Variants in FOXN3 observed in about 807,000 individuals in gnomAD.
FOXN3 encodes forkhead box N3.
FOXN3 carries 7 observed loss-of-function variants against 38.4 expected under a neutral mutation model. The ratio of observed to expected loss-of-function variants is 0.18; its 90% CI spans 0.10 to 0.34. The LOEUF (loss-of-function observed/expected upper bound fraction) is 0.34. FOXN3 is among the 10% of genes least tolerant of loss of function. FOXN3 has a pLI of 1.00. For synonymous variants in FOXN3, 230 were observed against 242.2 expected (o/e 0.95, Z 0.47); for missense variants, 456 against 613.4 (o/e 0.74, Z 2.71).
chr14:89,249,707 A>G (rs1482673822), intron 4 of FOXN3, among the ~76,000 whole-genome samples: 1 of 152,198 alleles, frequency 6.6e-6, no homozygotes, highest in Non-Finnish European at 1.5e-5. Flanking sequence ...CACAAATCCA[A>G]CGATGGGACA....
At chr14:89,268,718 G>T (rs1288184385) in intron 4 of FOXN3, among the ~76,000 whole-genome samples, 1 of 152,148 alleles carries the variant, frequency 6.6e-6, no homozygotes, top group African/African-American at 2.4e-5. Flanking sequence ...TTCTGGCCTG[G>T]ACTGGGCCAC....
chr14:89,320,946 G>A (rs4904546), intron 3 of FOXN3, among the ~76,000 whole-genome samples: 64,677 of 152,024 alleles, frequency 0.43, 14,612 homozygotes, highest in Non-Finnish European at 0.51. Flanking sequence ...GTTTATATGC[G>A]GGGAGTTGGG....
rs190633338 is a variant in FOXN3, at chr14:89,202,426, A to G, written c.746-21620T>C. Among the ~76,000 whole-genome samples, 52 of 152,334 alleles carry G rather than the reference A, an allele frequency of 3.4e-4. No individual in the cohort carries two copies. The East Asian group carries it at 9.1e-3, about 27-fold the overall frequency. Reference sequence around the variant, plus strand: ...TCTGCTGAGGCAATCTCTTTGTTACAAAAGGTTTTGCCTTTTGATTTCCTT... The same window carrying G: ...TCTGCTGAGGCAATCTCTTTGTTACGAAAGGTTTTGCCTTTTGATTTCCTT... On this transcript the variant is annotated intron_variant, in intron 4 of 5. Transcript: ENST00000557258.
intron 3 of FOXN3, among the ~76,000 whole-genome samples, chr14:89,287,170 T>C (rs181097227): frequency 1.3e-5 from 2 of 150,786 alleles, no homozygotes; most frequent in East Asian, 1.9e-4. Flanking sequence ...GTTTTTGTTT[T>C]TGAGACAGAG....
chr14:89,442,889 A>G lies in FOXN3; in HGVS notation c.-14-30399T>C, dbSNP rs188633498. Among the ~76,000 whole-genome samples the G allele has an allele frequency of 1.2e-3, 185 of 152,336 alleles. 3 individuals are homozygous for G. Among genetic ancestry groups the G allele is most frequent in the African/African-American group, 4.2e-3 (175 of 41,560 alleles). ...GAATGGTCTTAGGTGCTTTCACACT[A>G]CAGTGCCAGAATACTACAGTTGCAA... On this transcript the variant is annotated intron_variant, in intron 1 of 6. Coordinates refer to the FOXN3 transcript ENST00000345097.
intron 2 of FOXN3, among the ~76,000 whole-genome samples, chr14:89,393,056 C>T (rs1356168453): frequency 6.6e-6 from 1 of 152,076 alleles, no homozygotes; most frequent in Non-Finnish European, 1.5e-5. Flanking sequence ...CCGCCCACTT[C>T]GGCCTCCCAC....
At chr14:89,262,168 AAG>A (rs1193430959) in intron 4 of FOXN3, among the ~76,000 whole-genome samples, 1 of 152,144 alleles carries the variant, frequency 6.6e-6, no homozygotes, top group Non-Finnish European at 1.5e-5. Context: ...ATGGCTGGAA[AAG>A]AGAGCTGGAC....
chr14:89,493,401 T>C (rs917262701), intron 1 of FOXN3, among the ~76,000 whole-genome samples: 5 of 152,210 alleles, frequency 3.3e-5, no homozygotes, highest in Admixed American at 2.6e-4. Flanking sequence ...AATACTCATT[T>C]GAACACTCCT....
intron 3 of FOXN3, among the ~76,000 whole-genome samples, chr14:89,310,304 C>A (rs1001149818): frequency 6.6e-6 from 1 of 152,164 alleles, no homozygotes; most frequent in Admixed American, 6.5e-5. Flanking sequence ...ATCCTGCCTC[C>A]ACGAGGCGAC....
At chr14:89,172,792 T>C (rs1169358293) in intron 5 of FOXN3, among the ~76,000 whole-genome samples, 1 of 152,210 alleles carries the variant, frequency 6.6e-6, no homozygotes, top group Non-Finnish European at 1.5e-5. Flanking sequence ...GAGATAACTG[T>C]TTATTATTTG....
chr14:89,229,169 G>A (rs376861808), intron 4 of FOXN3, among the ~76,000 whole-genome samples: 8 of 152,252 alleles, frequency 5.3e-5, no homozygotes, highest in African/African-American at 1.4e-4. Context: ...CTCGTGTCTA[G>A]GGAAAAAGAG....
chr14:89,470,702 A>G (rs1406528520), intron 1 of FOXN3, among the ~76,000 whole-genome samples: 66 of 152,198 alleles, frequency 4.3e-4, no homozygotes, highest in Admixed American at 4.3e-3. Context: ...AAACATAACT[A>G]AGGCCCCCAT....
chr14:89,281,638 A>T (rs1343123816), intron 3 of FOXN3, among the ~76,000 whole-genome samples: 1 of 152,218 alleles, frequency 6.6e-6, no homozygotes, highest in Admixed American at 6.5e-5. Flanking sequence ...GCAAGAAAAT[A>T]GGAGAGATCA....
intron 5 of FOXN3, 38 bp downstream of exon 5, chr14:89,180,663 T>A: frequency 6.8e-7 from 1 of 1,476,980 alleles, no homozygotes; most frequent in Non-Finnish European, 9.2e-7. Flanking sequence ...CCCTTCCCAC[T>A]CCCCAGGCTG....
At chr14:89,325,301 ACACCACCACCACGACCACCACCAC>A (rs1888032843) in intron 3 of FOXN3, among the ~76,000 whole-genome samples, 1 of 80,254 alleles carries the variant, frequency 1.2e-5, no homozygotes, top group African/African-American at 4.5e-5. Flanking sequence ...ACCAACACCA[ACACCACCACCACGACCACCACCAC>A]CACCACCACC....
At chr14:89,293,072 T>A (rs1251505433) in intron 3 of FOXN3, among the ~76,000 whole-genome samples, 2 of 152,186 alleles carry the variant, frequency 1.3e-5, no homozygotes, top group African/African-American at 4.8e-5. Flanking sequence ...CTCTCCTCTT[T>A]TCTTCTCATG....
At chr14:89,423,228 C>T (rs1891953350) in intron 1 of FOXN3, among the ~76,000 whole-genome samples, 1 of 152,214 alleles carries the variant, frequency 6.6e-6, no homozygotes, top group Admixed American at 6.5e-5. Flanking sequence ...AGTGGTTAGA[C>T]ACAGACTAGG....
At chr14:89,337,418 G>T (rs1888494287) in intron 3 of FOXN3, among the ~76,000 whole-genome samples, 1 of 152,132 alleles carries the variant, frequency 6.6e-6, no homozygotes, top group Admixed American at 6.5e-5. Context: ...GGTAGAGAAA[G>T]AACACAATTG....
At chr14:89,581,999 A>G (rs998372866) in intron 1 of FOXN3, among the ~76,000 whole-genome samples, 5 of 152,190 alleles carry the variant, frequency 3.3e-5, no homozygotes, top group Non-Finnish European at 7.3e-5. Flanking sequence ...TCAGAGTACA[A>G]ACATTTCACT....
Sources: gnomAD v4.1 joint callset for allele counts (sites outside exome capture counted in the v4.1 genomes callset) on GRCh38, gnomAD v4.1.1 for gene constraint, MANE v1.5 for transcripts, NCBI Gene and HGNC (gene_info 2026-07-23, HGNC 2026-07-21) for gene names.